The following ATP5F1A variants were observed in gnomAD, a reference collection of about 807,000 sequenced individuals.
ATP5F1A encodes the protein ATP synthase F(1) complex subunit alpha, mitochondrial.
Under a neutral mutation model 57.4 loss-of-function variants are expected in ATP5F1A, and 24 were observed. The ratio of observed to expected loss-of-function variants is 0.42; its 90% CI spans 0.30 to 0.59. The LOEUF (loss-of-function observed/expected upper bound fraction) is 0.59. Ranked by LOEUF, ATP5F1A falls within the 20% of genes least tolerant of loss-of-function variation. The pLI, the probability that ATP5F1A is intolerant of heterozygous loss-of-function variation, is 0.19. For synonymous variants in ATP5F1A, 251 were observed against 255.5 expected (o/e 0.98, Z 0.17); for missense variants, 494 against 707.9 (o/e 0.70, Z 3.43).
At chr18:46,098,335 G>A, upstream of ATP5F1A, 2 of 1,412,582 alleles carry the variant, frequency 1.4e-6, no homozygotes, top group South Asian at 1.4e-5. Context: ...CGGCCCACCT[G>A]ACCCGGAAGT....
rs751662386 is a variant in ATP5F1A at position 46,086,081 on chromosome 18, A to C, written c.1429+32T>G. The stretch of plus-strand genomic sequence containing the variant: ...TGGGAAGACCCTGATACACAATAGG[A>C]ACCTGACCAAATGAAGAAAAGAACA... On this transcript the variant is annotated intron_variant, in intron 10 of 11. Transcript: ENST00000398752. 3.1e-6 allele frequency: 5 copies of C among 1,606,734 alleles called. No individual in the cohort carries two copies. In the South Asian group the frequency reaches 5.6e-5, roughly 18 times the overall value.
chr18:46,089,990 A>C lies in ATP5F1A; in HGVS notation c.316T>G (p.Ser106Ala). The C allele has an allele frequency of 6.3e-7, 1 of 1,596,460 alleles. No homozygotes were observed. The highest frequency in any genetic ancestry group is 1.8e-5 in the Admixed American group (1 of 57,090). ...VEFSSGLKGM[S>A]LNLEPDNVGV... ...ACATTGTCAGGTTCCAAGTTCAAGG[A>C]CATACCCTGCACAAAAGACACAATT... Residue 106 changes from serine (S) to alanine (A), a missense_variant, in exon 4 of 12, where the codon TCC (serine) becomes GCC (alanine). Ser to Ala is a moderately conservative substitution (Grantham distance 99). Around this residue, in one of 6 missense-constraint regions of ATP5F1A, gnomAD observed 142 missense variants for 137.5 expected, o/e 1.03. Transcript: ENST00000398752.
chr18:46,098,419 T>A, upstream of ATP5F1A: 4 of 1,365,970 alleles, frequency 2.9e-6, no homozygotes, highest in Non-Finnish European at 3.8e-6. Flanking sequence ...TTACTTATTT[T>A]TTTATGTAAC....
intron 5 of ATP5F1A, chr18:46,088,782 T>G (rs890709407): frequency 6.6e-6 from 1 of 152,174 alleles, no homozygotes; most frequent in Admixed American, 6.6e-5. Context: ...CTCTTTGCAG[T>G]TGAGATAAGA....
In ATP5F1A at chr18:46,083,585, A is replaced by C. The variant is rs1444035695; in HGVS notation, c.*697T>G. On this transcript the variant is annotated 3_prime_UTR_variant, in exon 12 of 12. Coordinates refer to ENST00000398752, the MANE Select transcript of ATP5F1A (RefSeq NM_004046.6). ...GCCTACAGTACCTCTTTATGCAGGT[A>C]CATCCTCTGGGCAGAGAAGCCAGCT... is the stretch of plus-strand genomic sequence containing the variant. The C allele has an allele frequency of 6.6e-6, 1 of 152,218 alleles. No homozygotes were observed. Among genetic ancestry groups the C allele is most frequent in the Non-Finnish European group, 1.5e-5 (1 of 68,060 alleles). 9.4% of individuals were successfully genotyped at this position (152,218 alleles called of 1,614,324 possible).
At chr18:46,087,590 G>A (rs1353832990) in intron 6 of ATP5F1A, 98 bp from the exon 7 acceptor site, 3 of 1,405,318 alleles carry the variant, frequency 2.1e-6, no homozygotes, top group Non-Finnish European at 2.9e-6. Flanking sequence ...ACCATTAAGA[G>A]TTAATCAGGC....
chr18:46,103,699 AG>A (rs1406423885), intron 1 of ATP5F1A, among the ~76,000 whole-genome samples: 1 of 148,862 alleles, frequency 6.7e-6, no homozygotes, highest in East Asian at 2.0e-4. Flanking sequence ...GCGGATCATG[AG>A]GTTAGGAGTT....
rs1316753621 is a variant in ATP5F1A, at chr18:46,083,001, G to A, written c.*1281C>T. 1 of 152,134 alleles carries A rather than the reference G, an allele frequency of 6.6e-6. No homozygotes were observed. Among genetic ancestry groups the A allele is most frequent in the Non-Finnish European group, 1.5e-5 (1 of 68,056 alleles). 9.4% of individuals were successfully genotyped at this position (152,134 alleles called of 1,614,324 possible). On this transcript the variant is annotated 3_prime_UTR_variant, in exon 12 of 12. Coordinates refer to ENST00000398752, the MANE Select transcript of ATP5F1A (RefSeq NM_004046.6). ...GGAGGTGAAAGGTGCAGTGAGCTGA[G>A]ATTACGCCACTGCTCTCCAGCCTAG... is the stretch of plus-strand genomic sequence containing the variant.
rs891713874 is a variant in ATP5F1A at position 46,080,836 on chromosome 18, G to A, written c.*3446C>T. On this transcript the variant is annotated 3_prime_UTR_variant, in exon 12 of 12. Coordinates refer to ENST00000398752, the MANE Select transcript of ATP5F1A (RefSeq NM_004046.6). ...AAAAATCACATTTTTAAATATCACT[G>A]TGCCTGGCGTGGGCCAGGCACAGTG... 6.6e-6 allele frequency: 1 copy of A among 151,544 alleles called. No individual in the cohort carries two copies. Among genetic ancestry groups the A allele is most frequent in the Non-Finnish European group, 1.5e-5 (1 of 67,906 alleles). 9.4% of individuals were successfully genotyped at this position (151,544 alleles called of 1,614,324 possible).
In ATP5F1A at chr18:46,082,769, G is replaced by C. The variant is rs1477835648; in HGVS notation, c.*1513C>G. ...TTAAAAGTAAATAAATAAATCAGTA[G>C]GCTGGGCGTGGTGGCTCACACCTGT... On this transcript the variant is annotated 3_prime_UTR_variant, in exon 12 of 12. Transcript: ENST00000398752. 1.3e-5 allele frequency: 2 copies of C among 151,932 alleles called. No homozygotes were observed. The highest frequency in any genetic ancestry group is 1.3e-4 in the Admixed American group (2 of 15,236). The allele number at this position is 151,932 out of a possible 1,614,324, so 9.4% of individuals were successfully genotyped here. A position where few individuals can be genotyped will look rare whatever the true frequency, so the allele number is the denominator to read the frequency against.
chr18:46,089,454 C>T lies in ATP5F1A; in HGVS notation c.650+112G>A, dbSNP rs886713588. 8 of 1,270,358 alleles carry T rather than the reference C, an allele frequency of 6.3e-6. No homozygotes were observed. The African/African-American group carries it at 1.2e-4, about 19-fold the overall frequency. 78.7% of individuals were successfully genotyped at this position (1,270,358 alleles called of 1,614,324 possible). The stretch of plus-strand genomic sequence containing the variant: ...CCCAGCTGAAATTTTACTATTAATC[C>T]TCGTATTAGATTCTAATGTCCCCAT... On this transcript the variant is annotated intron_variant, in intron 5 of 11. Coordinates refer to ENST00000398752, the MANE Select transcript of ATP5F1A (RefSeq NM_004046.6).
chr18:46,087,360 T>C lies in ATP5F1A; in HGVS notation c.932A>G (p.Tyr311Cys), dbSNP rs954238356. The change falls in exon 7 of 12, where the codon TAT (tyrosine) becomes TGT (cysteine). Residue 311 changes from tyrosine (Y) to cysteine (C), a missense_variant. Transcript: ENST00000398752. ...RDNGKHALII[Y>C]DDLSKQAVAY... Reference sequence around the variant, plus strand: ...TTTGACCTGTTTGGATAAGTCGTCATAGATGATCAAAGCATGTTTGCCATT... The same window carrying C: ...TTTGACCTGTTTGGATAAGTCGTCACAGATGATCAAAGCATGTTTGCCATT... 1.2e-5 allele frequency: 20 copies of C among 1,614,040 alleles called. No homozygotes were observed. The highest frequency in any genetic ancestry group is 1.2e-4 in the African/African-American group (9 of 74,920).
chr18:46,097,075 T>C (rs1297336269), intron 1 of ATP5F1A, among the ~76,000 whole-genome samples: 1 of 151,830 alleles, frequency 6.6e-6, no homozygotes. Flanking sequence ...TGTGGACTTA[T>C]TTTACTCTCT....
chr18:46,097,353 C>A lies in ATP5F1A; in HGVS notation c.60+819G>T, dbSNP rs76805885. On this transcript the variant is annotated intron_variant, in intron 1 of 11. Coordinates refer to ENST00000398752, the MANE Select transcript of ATP5F1A (RefSeq NM_004046.6). ...AGTGTCAATGCGTTTACACTGAAATCATGTTAATTTCAAGGGAAACAAATA... is the reference window on the plus strand; with the variant it reads ...AGTGTCAATGCGTTTACACTGAAATAATGTTAATTTCAAGGGAAACAAATA... Among the ~76,000 whole-genome samples, 1,173 of 152,224 alleles carry A rather than the reference C, an allele frequency of 7.7e-3. 10 individuals carry two copies. The highest frequency in any genetic ancestry group is 0.013 in the Non-Finnish European group (898 of 68,018).
intron 2 of ATP5F1A, among the ~76,000 whole-genome samples, chr18:46,094,402 C>G (rs1910794268): frequency 6.6e-6 from 1 of 152,114 alleles, no homozygotes; most frequent in South Asian, 2.1e-4. Context: ...GGTGCAGTGG[C>G]TCACGCCTTT....
chr18:46,103,334 G>T (rs945485876), intron 1 of ATP5F1A, among the ~76,000 whole-genome samples: 1 of 149,374 alleles, frequency 6.7e-6, no homozygotes, highest in East Asian at 1.9e-4. Context: ...AAGGTCGGGC[G>T]CAGTGCCTGT....
upstream of ATP5F1A, among the ~76,000 whole-genome samples, chr18:46,100,570 G>T (rs533224224): frequency 6.6e-6 from 1 of 151,382 alleles, no homozygotes; most frequent in Non-Finnish European, 1.5e-5. Context: ...TGATCACACC[G>T]GAACACTCCA....
chr18:46,102,634 T>C (rs1036620533), upstream of ATP5F1A, among the ~76,000 whole-genome samples: 1 of 152,156 alleles, frequency 6.6e-6, no homozygotes, highest in Non-Finnish European at 1.5e-5. Context: ...AGAGCAGAGA[T>C]ATGTTTGAAG....
intron 2 of ATP5F1A, among the ~76,000 whole-genome samples, chr18:46,093,813 CA>C (rs896932282): frequency 6.7e-6 from 1 of 149,406 alleles, no homozygotes; most frequent in African/African-American, 2.5e-5. Context: ...AACAGAGTCT[CA>C]AAAAAAAGGA....
Sources: gnomAD v4.1 joint callset for allele counts (sites outside exome capture counted in the v4.1 genomes callset) on GRCh38, gnomAD v4.1.1 for gene constraint, gnomAD v4.1.1 regional missense constraint, MANE v1.5 for transcripts, NCBI Gene and HGNC (gene_info 2026-07-23, HGNC 2026-07-21) for gene names.